The following LDB2 variants were observed in gnomAD, a reference collection of about 807,000 sequenced individuals.
LDB2 encodes the protein LIM domain-binding protein 2.
Under a neutral mutation model 44.3 loss-of-function variants are expected in LDB2, and 12 were observed. The observed-to-expected ratio is 0.27, with a 90% CI of 0.17 to 0.44. The LOEUF (loss-of-function observed/expected upper bound fraction) is 0.44. Among genes scored for constraint, LDB2 ranks in the 20% least tolerant of loss-of-function variants. The probability of loss-of-function intolerance (pLI) is 1.00; values close to 1 mark genes in which losing one functional copy is unlikely to be tolerated. For missense variants in LDB2, 344 were observed against 473.5 expected (o/e 0.73, Z 2.54); for synonymous variants, 164 against 174.8 (o/e 0.94, Z 0.49).
intron 2 of LDB2, among the ~76,000 whole-genome samples, chr4:16,596,984 C>A (rs749632437): frequency 6.6e-6 from 1 of 152,138 alleles, no homozygotes; most frequent in Non-Finnish European, 1.5e-5. Flanking sequence ...CTATATAATA[C>A]CCTTTGAAAG....
intron 1 of LDB2, among the ~76,000 whole-genome samples, chr4:16,856,535 C>G (rs1477642041): frequency 6.6e-6 from 1 of 152,140 alleles, no homozygotes; most frequent in Non-Finnish European, 1.5e-5. Flanking sequence ...AAAGTTTTAA[C>G]TACTCAACTC....
chr4:16,838,974 C>A (rs1785379019), intron 1 of LDB2, among the ~76,000 whole-genome samples: 1 of 152,156 alleles, frequency 6.6e-6, no homozygotes, highest in South Asian at 2.1e-4. Context: ...AGTGAGAAAG[C>A]CTCACAAAAG....
intron 1 of LDB2, among the ~76,000 whole-genome samples, chr4:16,877,980 A>AAT (rs1554060298): frequency 1.1e-5 from 1 of 95,214 alleles, no homozygotes; most frequent in African/African-American, 4.5e-5. Context: ...ACCAAGGAGA[A>AAT]ACAGAAATAA....
intron 1 of LDB2, among the ~76,000 whole-genome samples, chr4:16,802,479 G>A (rs1191485533): frequency 6.6e-6 from 1 of 152,192 alleles, no homozygotes; most frequent in Non-Finnish European, 1.5e-5. Context: ...AGAACTTCTT[G>A]CTAGAGAGCT....
intron 2 of LDB2, among the ~76,000 whole-genome samples, chr4:16,735,664 A>G (rs1314935371): frequency 1.3e-5 from 2 of 152,144 alleles, no homozygotes; most frequent in African/African-American, 4.8e-5. Flanking sequence ...TGGCATGTGG[A>G]TATCATGTGA....
chr4:16,722,376 C>T (rs911832562), intron 2 of LDB2, among the ~76,000 whole-genome samples: 1 of 152,132 alleles, frequency 6.6e-6, no homozygotes, highest in Non-Finnish European at 1.5e-5. Context: ...TACACTGCCT[C>T]TCAGCTGGAA....
intron 1 of LDB2, among the ~76,000 whole-genome samples, chr4:16,895,544 T>TTG (rs60440696): frequency 0.071 from 10,673 of 150,708 alleles, 1,001 homozygotes; most frequent in East Asian, 0.48. Flanking sequence ...TGGGGTGTGT[T>TTG]TGTGTGTGTG....
intron 1 of LDB2, among the ~76,000 whole-genome samples, chr4:16,767,074 G>A (rs1260729868): frequency 2.0e-5 from 3 of 152,100 alleles, no homozygotes; most frequent in Admixed American, 6.6e-5. Context: ...TCATTAGGAG[G>A]TCCCTGTACT....
chr4:16,732,941 G>A (rs2108935213), intron 2 of LDB2, among the ~76,000 whole-genome samples: 1 of 152,266 alleles, frequency 6.6e-6, no homozygotes, highest in Admixed American at 6.5e-5. Context: ...TTTAAGGTCG[G>A]GGGAAAGGCA....
intron 2 of LDB2, among the ~76,000 whole-genome samples, chr4:16,678,590 G>T (rs1746939852): frequency 6.6e-6 from 1 of 152,156 alleles, no homozygotes; most frequent in Non-Finnish European, 1.5e-5. Context: ...TTTACCCCAA[G>T]AAATGTGGAA....
intron 2 of LDB2, chr4:16,653,729 C>T (rs1029553554): frequency 6.6e-6 from 1 of 152,166 alleles, no homozygotes; most frequent in Non-Finnish European, 1.5e-5. Flanking sequence ...GTGCCTACCT[C>T]GAGGGACTTG....
chr4:16,786,149 A>C (rs1301052211), intron 1 of LDB2, among the ~76,000 whole-genome samples: 1 of 152,228 alleles, frequency 6.6e-6, no homozygotes, highest in Non-Finnish European at 1.5e-5. Context: ...AATGTAACTG[A>C]CAGAATCCTA....
At chr4:16,734,138 G>A (rs149149590) in intron 2 of LDB2, among the ~76,000 whole-genome samples, 1 of 152,278 alleles carries the variant, frequency 6.6e-6, no homozygotes, top group East Asian at 1.9e-4. Context: ...GATGCTTTGT[G>A]TAATATTCTT....
intron 2 of LDB2, among the ~76,000 whole-genome samples, chr4:16,620,734 G>A (rs1728643773): frequency 6.6e-6 from 1 of 152,198 alleles, no homozygotes; most frequent in African/African-American, 2.4e-5. Context: ...CAGGGAATGT[G>A]TGTTCTACTC....
intron 2 of LDB2, among the ~76,000 whole-genome samples, chr4:16,749,182 G>T (rs1318125341): frequency 6.6e-6 from 1 of 152,070 alleles, no homozygotes; most frequent in Admixed American, 6.5e-5. Context: ...AGACTATGTG[G>T]TGAAATACTC....
rs114560948 is a variant in LDB2 at position 16,694,394 on chromosome 4, C to T, written c.235+64764G>A. Among the ~76,000 whole-genome samples the T allele has an allele frequency of 8.1e-3, 1,238 of 152,330 alleles. 13 individuals carry two copies. The highest frequency in any genetic ancestry group is 0.011 in the Non-Finnish European group (750 of 68,026). ...CTCTCCTCTGTTTTAAGAACATTGA[C>T]CGATCACAGCTGGTGCCAGAACATA... On this transcript the variant is annotated intron_variant, in intron 2 of 7. Coordinates refer to ENST00000304523, the MANE Select transcript of LDB2 (RefSeq NM_001290.5).
intron 1 of LDB2, among the ~76,000 whole-genome samples, chr4:16,761,513 G>T (rs1350881190): frequency 6.6e-6 from 1 of 152,172 alleles, no homozygotes; most frequent in Non-Finnish European, 1.5e-5. Context: ...GCGGAATTCA[G>T]TCCTGCAGGT....
intron 3 of LDB2, among the ~76,000 whole-genome samples, chr4:16,594,817 T>A (rs532668352): frequency 6.6e-6 from 1 of 152,356 alleles, no homozygotes; most frequent in Admixed American, 6.5e-5. Context: ...GAGATAGCTA[T>A]CATTAATATC....
chr4:16,553,900 G>A (rs1044319438), intron 5 of LDB2, among the ~76,000 whole-genome samples: 2 of 152,090 alleles, frequency 1.3e-5, no homozygotes, highest in Admixed American at 6.6e-5. Context: ...GCTAGTGACT[G>A]GCCAAGTAGG....
Sources: gnomAD v4.1 joint callset for allele counts (sites outside exome capture counted in the v4.1 genomes callset) on GRCh38, gnomAD v4.1.1 for gene constraint, MANE v1.5 for transcripts, NCBI Gene and HGNC (gene_info 2026-07-23, HGNC 2026-07-21) for gene names.